The following GTF2F2 variants were observed in gnomAD, a reference collection of about 807,000 sequenced individuals.
GTF2F2 encodes the protein ATP-dependent helicase GTF2F2.
GTF2F2 carries 23 observed loss-of-function variants against 42.2 expected under a neutral mutation model. The ratio of observed to expected loss-of-function variants is 0.55; its 90% CI spans 0.39 to 0.77. The LOEUF (loss-of-function observed/expected upper bound fraction) is 0.77. GTF2F2 is among the 30% of genes least tolerant of loss of function. GTF2F2 has a pLI of 0.00. For missense variants in GTF2F2, 261 were observed against 287.2 expected, an observed-to-expected ratio of 0.91 and a Z score of 0.66; for synonymous variants, 105 against 100.8, an observed-to-expected ratio of 1.04 and a Z score of -0.25.
At chr13:45,130,888 G>C (rs1470126089) in intron 1 of GTF2F2, among the ~76,000 whole-genome samples, 1 of 152,200 alleles carries the variant, frequency 6.6e-6, no homozygotes, top group African/African-American at 2.4e-5. Context: ...ACCTGAGCTT[G>C]TTGTAAGTTT....
chr13:45,280,531 C>G (rs2138280191), intron 7 of GTF2F2, among the ~76,000 whole-genome samples: 1 of 152,292 alleles, frequency 6.6e-6, no homozygotes, highest in South Asian at 2.1e-4. Context: ...TCCCCTACCC[C>G]CTGATCACAG....
chr13:45,142,652 C>T (rs770676380), intron 2 of GTF2F2, among the ~76,000 whole-genome samples: 7 of 152,156 alleles, frequency 4.6e-5, no homozygotes, highest in African/African-American at 7.2e-5. Context: ...TGAGAACAGA[C>T]TTATAGTAAT....
chr13:45,259,727 G>A (rs927193892), intron 6 of GTF2F2, among the ~76,000 whole-genome samples: 1 of 137,464 alleles, frequency 7.3e-6, no homozygotes, highest in African/African-American at 2.8e-5. Flanking sequence ...GCACAATCTC[G>A]GCTCACTGCA....
At chr13:45,191,226 T>A (rs9534058) in intron 4 of GTF2F2, among the ~76,000 whole-genome samples, 10,828 of 65,712 alleles carry the variant, frequency 0.16, 622 homozygotes, top group Non-Finnish European at 0.19. Context: ...AAAAAAAAAA[T>A]ATATATATAT....
chr13:45,184,137 C>T (rs1872298010), intron 4 of GTF2F2, among the ~76,000 whole-genome samples: 1 of 151,984 alleles, frequency 6.6e-6, no homozygotes, highest in African/African-American at 2.4e-5. Context: ...CTGCACCTGG[C>T]CTCTTATTCT....
At chr13:45,195,754 A>G (rs1292466512) in intron 4 of GTF2F2, among the ~76,000 whole-genome samples, 1 of 152,218 alleles carries the variant, frequency 6.6e-6, no homozygotes, top group African/African-American at 2.4e-5. Context: ...TGTCCCCAGT[A>G]CACTATTATT....
At chr13:45,235,456 T>G (rs925026339) in intron 5 of GTF2F2, among the ~76,000 whole-genome samples, 3 of 151,986 alleles carry the variant, frequency 2.0e-5, no homozygotes, top group African/African-American at 7.2e-5. Flanking sequence ...TAAGGACATA[T>G]GTAGTGGGAG....
chr13:45,254,269 A>G (rs1450984748), intron 6 of GTF2F2, among the ~76,000 whole-genome samples: 1 of 152,166 alleles, frequency 6.6e-6, no homozygotes, highest in Non-Finnish European at 1.5e-5. Flanking sequence ...ATATGTATGT[A>G]TAGGAAAAAC....
intron 7 of GTF2F2, among the ~76,000 whole-genome samples, chr13:45,275,071 A>G (rs1360755843): frequency 6.6e-6 from 1 of 152,144 alleles, no homozygotes. Context: ...TCTCCCCTAC[A>G]GGGAACCACT....
In GTF2F2 at chr13:45,212,562, T is replaced by C. The variant is rs531661436; in HGVS notation, c.386+5057T>C. Among the ~76,000 whole-genome samples the C allele has an allele frequency of 5.3e-3, 776 of 145,440 alleles. 13 individuals carry two copies. The highest frequency in any genetic ancestry group is 0.035 in the Middle Eastern group (10 of 286). ...ACTTTCTCTCTCTCTCTTTCTCTCT[T>C]TCTTTCTTTCTTTTTTTTGAGACAA... On this transcript the variant is annotated intron_variant, in intron 5 of 7. Coordinates refer to ENST00000340473, the MANE Select transcript of GTF2F2 (RefSeq NM_004128.3).
intron 5 of GTF2F2, among the ~76,000 whole-genome samples, chr13:45,213,741 A>G (rs1412352006): frequency 6.6e-6 from 1 of 152,126 alleles, no homozygotes; most frequent in Admixed American, 6.5e-5. Flanking sequence ...AGGTAGGTAC[A>G]GAAATATGAG....
At chr13:45,219,064 G>A (rs1874005323) in intron 5 of GTF2F2, among the ~76,000 whole-genome samples, 1 of 151,966 alleles carries the variant, frequency 6.6e-6, no homozygotes, top group African/African-American at 2.4e-5. Context: ...CTGCTCAAAG[G>A]AAATGACTTT....
Position 45,252,847 on chromosome 13 carries a change from A to T in GTF2F2, c.387-24A>T, listed in dbSNP as rs370746516. 1.0e-5 allele frequency: 10 copies of T among 959,286 alleles called. No homozygotes were observed. The South Asian group carries it at 1.1e-4, about 11-fold the overall frequency. 59.4% of individuals were successfully genotyped at this position (959,286 alleles called of 1,614,324 possible). ...TTCACTCTGCTAAACAAGAGTGTTA[A>T]TAATGCCTTATATTTTTTTTCAGAT... On this transcript the variant is annotated intron_variant, in intron 5 of 7. Transcript: ENST00000340473.
At chr13:45,160,579 T>G (rs1248657415) in intron 4 of GTF2F2, among the ~76,000 whole-genome samples, 1 of 152,218 alleles carries the variant, frequency 6.6e-6, no homozygotes, top group Admixed American at 6.5e-5. Flanking sequence ...GTAGTTCTTT[T>G]GAATGTTGAC....
chr13:45,192,891 A>G (rs1872716018), intron 4 of GTF2F2: 1 of 152,090 alleles, frequency 6.6e-6, no homozygotes, highest in South Asian at 2.1e-4. Context: ...AATAACAGAT[A>G]CTCTATTGAG....
intron 6 of GTF2F2, among the ~76,000 whole-genome samples, chr13:45,258,759 G>A (rs1395067225): frequency 1.3e-5 from 2 of 152,050 alleles, no homozygotes; most frequent in African/African-American, 4.8e-5. Flanking sequence ...TTTATCTTGT[G>A]TATGCTTATA....
intron 1 of GTF2F2, chr13:45,123,202 T>C (rs1019993800): frequency 2.0e-5 from 3 of 152,350 alleles, no homozygotes; most frequent in African/African-American, 7.2e-5. Flanking sequence ...CACTGCTCCA[T>C]GTATGTCCCT....
chr13:45,273,102 T>A (rs879683432), intron 7 of GTF2F2, among the ~76,000 whole-genome samples: 10 of 151,424 alleles, frequency 6.6e-5, no homozygotes, highest in Non-Finnish European at 1.5e-4. Flanking sequence ...ATTTTCGTAT[T>A]TTTTTAGTAG....
intron 4 of GTF2F2, 150 bp downstream of exon 4, chr13:45,151,981 T>A: frequency 2.1e-6 from 1 of 485,638 alleles, no homozygotes; most frequent in Non-Finnish European, 3.6e-6. Flanking sequence ...AATGGCACGA[T>A]CTTGGCTCAC....
Sources: allele counts gnomAD v4.1 joint callset (sites outside exome capture counted in the v4.1 genomes callset), GRCh38; gene constraint gnomAD v4.1.1; transcripts MANE v1.5; gene names NCBI Gene and HGNC (gene_info 2026-07-23, HGNC 2026-07-21).